The following CYP4A22 variants were observed in gnomAD, a reference collection of about 807,000 sequenced individuals.
CYP4A22 encodes cytochrome P450 family 4 subfamily A member 22.
Under a neutral mutation model 56.2 loss-of-function variants are expected in CYP4A22, and 46 were observed. The ratio of observed to expected loss-of-function variants is 0.82; its 90% CI spans 0.65 to 1.05. The LOEUF (loss-of-function observed/expected upper bound fraction) is 1.05, where lower values mean the gene tolerates loss of function less well. CYP4A22 is among the 50% of genes least tolerant of loss of function. The pLI, the probability that CYP4A22 is intolerant of heterozygous loss-of-function variation, is 0.00. For missense variants in CYP4A22, 541 were observed against 645.9 expected, an observed-to-expected ratio of 0.84 and a Z score of 1.76; for synonymous variants, 193 against 251.1, an observed-to-expected ratio of 0.77 and a Z score of 2.19.
rs1356974319 is a variant in CYP4A22 at position 47,143,364 on chromosome 1, C to T, written c.606C>T (p.Phe202=). 6.2e-7 allele frequency: 1 copy of T among 1,613,896 alleles called. No individual in the cohort carries two copies. Residue 202 remains phenylalanine, a synonymous_variant, in exon 5 of 12, where the codon TTC becomes TTT. Transcript: ENST00000371891. ...TGGACACCATCATGAAGAGTGCCTT[C>T]AGCCATCAGGGCAGCATCCAGGTGG... ...MTLDTIMKSA[F]SHQGSIQVDR...
At chr1:47,147,228 T>G (rs1645086001) in intron 11 of CYP4A22, 16 of 985,476 alleles carry the variant, frequency 1.6e-5, no homozygotes, top group Non-Finnish European at 1.9e-5. Context: ...TATCCCAGCA[T>G]GAGGAAGTCC....
intron 2 of CYP4A22, 110 bp downstream of exon 2, chr1:47,141,031 C>G (rs1645003360): frequency 6.6e-7 from 1 of 1,506,640 alleles, no homozygotes; most frequent in Admixed American, 2.0e-5. Flanking sequence ...ATATCTGAAA[C>G]CTCTCCCACG....
At chr1:47,141,390 ACT>A (rs1376341930) in intron 2 of CYP4A22, among the ~76,000 whole-genome samples, 179 bp from the exon 3 acceptor site, 2 of 152,284 alleles carry the variant, frequency 1.3e-5, no homozygotes, top group African/African-American at 4.8e-5. Context: ...CTGCTGGAAC[ACT>A]GAGTCTGTCT....
intron 1 of CYP4A22, among the ~76,000 whole-genome samples, chr1:47,137,964 C>T (rs1644963058): frequency 6.6e-6 from 1 of 152,166 alleles, no homozygotes. Flanking sequence ...CTGATTGTCT[C>T]CAGACTGATT....
At position 47,143,648 on chromosome 1, in the gene CYP4A22, T is replaced by C. The variant is rs1645038972; in HGVS notation, c.636-114T>C. 12 of 1,425,156 alleles carry C rather than the reference T, an allele frequency of 8.4e-6. No individual in the cohort carries two copies. The South Asian group carries it at 8.6e-5, about 10-fold the overall frequency. 88.3% of individuals were successfully genotyped at this position (1,425,156 alleles called of 1,614,324 possible). A position where few individuals can be genotyped will look rare whatever the true frequency, so the allele number is the denominator to read the frequency against. Reference sequence around the variant, plus strand: ...ATAGGGCTGTAAGATAGAAGAAACATTGCCTCAAGGCTGCTTGTCCCCATT... The same window carrying C: ...ATAGGGCTGTAAGATAGAAGAAACACTGCCTCAAGGCTGCTTGTCCCCATT... On this transcript the variant is annotated intron_variant, in intron 5 of 11. Transcript: ENST00000371891.
rs145355751 is a variant in CYP4A22, at chr1:47,148,628, T to G, written c.1391T>G (p.Met464Arg). Residue 464 changes from methionine (M) to arginine (R), a missense_variant, in exon 12 of 12, where the codon ATG becomes AGG. Physicochemically the swap from Met to Arg is moderately conservative, Grantham distance 91 (BLOSUM62 -1). Around this residue, in one of 3 missense-constraint regions of CYP4A22, gnomAD observed 204 missense variants for 258.9 expected, o/e 0.79. Coordinates refer to ENST00000371891, the MANE Select transcript of CYP4A22 (RefSeq NM_001010969.4). ...SRNCIGKQFA[M>R]NQLKVARALT... ...AACTGCATCGGGAAACAATTTGCCA[T>G]GAACCAGCTGAAGGTGGCCAGGGCC... 5 of 1,612,448 alleles carry G rather than the reference T, an allele frequency of 3.1e-6. No homozygotes were observed. Among genetic ancestry groups the G allele is most frequent in the Non-Finnish European group, 4.2e-6 (5 of 1,179,274 alleles).
chr1:47,137,722 A>C, intron 1 of CYP4A22, 42 bp downstream of exon 1: 1 of 1,566,958 alleles, frequency 6.4e-7, no homozygotes, highest in Non-Finnish European at 8.6e-7. Flanking sequence ...GCAAGGAGGG[A>C]TGCGGCTCTG....
intron 9 of CYP4A22, 73 bp from the exon 10 acceptor site, chr1:47,145,793 C>G: frequency 6.3e-7 from 1 of 1,596,752 alleles, no homozygotes; most frequent in Non-Finnish European, 8.5e-7. Flanking sequence ...CTTCTTTTGC[C>G]CCTGCAGGCT....
At chr1:47,141,647 C>T (rs763833128) in intron 3 of CYP4A22, 32 bp downstream of exon 3, 1 of 1,607,720 alleles carries the variant, frequency 6.2e-7, no homozygotes, top group Admixed American at 1.7e-5. Flanking sequence ...GCAGCCCACT[C>T]CCTAGTTAGG....
chr1:47,142,121 C>T lies in CYP4A22; in HGVS notation c.396C>T (p.Leu132=). The part of the protein sequence containing the change: ...FLAPRIGYGL[L]LLNGQTWFQH... Reference sequence around the variant, plus strand: ...TGTCTACCTTAGGGTACGGCTTGCTCCTGTTGAATGGGCAGACATGGTTCC... The same window carrying T: ...TGTCTACCTTAGGGTACGGCTTGCTTCTGTTGAATGGGCAGACATGGTTCC... The change falls in exon 4 of 12, where the codon CTC becomes CTT. Residue 132 remains leucine, a synonymous_variant. Transcript: ENST00000371891. 1 of 1,613,400 alleles carries T rather than the reference C, an allele frequency of 6.2e-7. No homozygotes were observed. Among genetic ancestry groups the T allele is most frequent in the Non-Finnish European group, 8.5e-7 (1 of 1,179,682 alleles).
chr1:47,140,590 G>A (rs1209231577), intron 1 of CYP4A22, among the ~76,000 whole-genome samples, 190 bp from the exon 2 acceptor site: 1 of 152,122 alleles, frequency 6.6e-6, no homozygotes, highest in Non-Finnish European at 1.5e-5. Context: ...ATTGAGTGAG[G>A]GCTCATAGCG....
chr1:47,143,978 C>A, intron 6 of CYP4A22, 62 bp downstream of exon 6: 1 of 1,547,356 alleles, frequency 6.5e-7, no homozygotes, highest in Non-Finnish European at 8.7e-7. Flanking sequence ...CCTGCCCTGA[C>A]TCCTCAGGCA....
Position 47,140,816 on chromosome 1 carries a change from C to T in CYP4A22, c.232C>T (p.Arg78Trp), listed in dbSNP as rs200383147. The T allele has an allele frequency of 1.9e-5, 31 of 1,614,112 alleles. No homozygotes were observed. The highest frequency in any genetic ancestry group is 1.0e-4 in the Admixed American group (6 of 60,014). The part of the protein sequence containing the change: ...HDQELQRIQE[R>W]VKTFPSACPY... ...CCAGGAGCTACAACGGATTCAGGAACGGGTGAAGACATTCCCAAGTGCCTG... is the reference window on the plus strand; with the variant it reads ...CCAGGAGCTACAACGGATTCAGGAATGGGTGAAGACATTCCCAAGTGCCTG... The change falls in exon 2 of 12, where the codon CGG becomes TGG. Residue 78 changes from arginine (R) to tryptophan (W), a missense_variant. Physicochemically the swap from Arg to Trp is moderately radical, Grantham distance 101 (BLOSUM62 -3). Around this residue, in one of 3 missense-constraint regions of CYP4A22, gnomAD observed 335 missense variants for 361.2 expected, o/e 0.93. Coordinates refer to ENST00000371891, the MANE Select transcript of CYP4A22 (RefSeq NM_001010969.4).
Position 47,141,993 on chromosome 1 carries a change from C to G in CYP4A22, c.383-115C>G, listed in dbSNP as rs112641030. The G allele has an allele frequency of 2.3e-4, 330 of 1,459,882 alleles. 2 individuals are homozygous for G. The African/African-American group carries it at 2.6e-3, about 11-fold the overall frequency. The allele number at this position is 1,459,882 out of a possible 1,614,324, so 90.4% of individuals were successfully genotyped here. ...GCATTTGCCCATGATGTGGCTTCTTCTGGATAGTTCTTCCCCCAGGAAGCC... is the reference window on the plus strand; with the variant it reads ...GCATTTGCCCATGATGTGGCTTCTTGTGGATAGTTCTTCCCCCAGGAAGCC... On this transcript the variant is annotated intron_variant, in intron 3 of 11. Coordinates refer to ENST00000371891, the MANE Select transcript of CYP4A22 (RefSeq NM_001010969.4).
intron 1 of CYP4A22, among the ~76,000 whole-genome samples, chr1:47,138,945 G>C (rs1210139722): frequency 6.6e-6 from 1 of 152,220 alleles, no homozygotes; most frequent in Non-Finnish European, 1.5e-5. Flanking sequence ...AGGGAGCTGA[G>C]GCCTATTGTT....
chr1:47,146,363 T>G (rs530541268), intron 11 of CYP4A22: 102 of 1,423,678 alleles, frequency 7.2e-5, no homozygotes, highest in Non-Finnish European at 9.1e-5. Flanking sequence ...CTTTGCTCCC[T>G]CTGCTTCTTC....
Position 47,141,609 on chromosome 1 carries a change from C to T in CYP4A22, c.376C>T (p.Arg126Trp), listed in dbSNP as rs12564525. Residue 126 changes from arginine to tryptophan, a missense_variant, in exon 3 of 12, where the codon CGG becomes TGG. Arg to Trp is a moderately radical substitution (Grantham distance 101). Coordinates refer to ENST00000371891, the MANE Select transcript of CYP4A22 (RefSeq NM_001010969.4). Reference protein sequence around the residue: ...SHGSYKFLAPRIGYGLLLLNG... With the variant: ...SHGSYKFLAPWIGYGLLLLNG... Reference sequence around the variant, plus strand: ...TGGATCCTACAAATTCCTGGCTCCACGGATTGGTATGTGTGCAAACTAGGA... The same window carrying T: ...TGGATCCTACAAATTCCTGGCTCCATGGATTGGTATGTGTGCAAACTAGGA... 399,812 of 1,611,924 alleles carry T rather than the reference C, an allele frequency of 0.25. 57,464 individuals are homozygous for T. Among genetic ancestry groups the T allele is most frequent in the East Asian group, 0.62 (27,655 of 44,802 alleles).
chr1:47,137,995 T>C (rs1225079768), intron 1 of CYP4A22, among the ~76,000 whole-genome samples: 1 of 152,174 alleles, frequency 6.6e-6, no homozygotes, highest in African/African-American at 2.4e-5. Flanking sequence ...CCTTGGCTTT[T>C]CTCAAAGAAC....
intron 1 of CYP4A22, 84 bp downstream of exon 1, chr1:47,137,764 C>T (rs375998239): frequency 6.7e-7 from 1 of 1,500,436 alleles, no homozygotes; most frequent in Non-Finnish European, 8.9e-7. Context: ...TAGAGCAAAG[C>T]CTTGTTTTGT....
Sources: gnomAD v4.1 joint callset for allele counts (sites outside exome capture counted in the v4.1 genomes callset) on GRCh38, gnomAD v4.1.1 for gene constraint, gnomAD v4.1.1 regional missense constraint, MANE v1.5 for transcripts, NCBI Gene and HGNC (gene_info 2026-07-23, HGNC 2026-07-21) for gene names.